The following IDO1 variants were observed in gnomAD, a reference collection of about 807,000 sequenced individuals.
IDO1 encodes indolamine 2,3 dioxygenase.
IDO1 carries 35 observed loss-of-function variants against 38.8 expected under a neutral mutation model. That is an observed-to-expected ratio of 0.90 (90% confidence interval 0.69 to 1.20). The LOEUF (loss-of-function observed/expected upper bound fraction) is 1.20, where lower values mean the gene tolerates loss of function less well. IDO1 is among the 50% of genes most tolerant of loss of function. The pLI, the probability that IDO1 is intolerant of heterozygous loss-of-function variation, is 0.00. For synonymous variants in IDO1, 171 were observed against 170.0 expected, an observed-to-expected ratio of 1.01 and a Z score of -0.05; for missense variants, 509 against 485.1, an observed-to-expected ratio of 1.05 and a Z score of -0.46.
chr8:39,923,808 G>T, intron 7 of IDO1: 1 of 328,092 alleles, frequency 3.0e-6, no homozygotes. Flanking sequence ...AATGACTTCA[G>T]ATTCCACAGG....
Position 39,927,961 on chromosome 8 carries a change from G to A in IDO1, c.988G>A (p.Glu330Lys), listed in dbSNP as rs764039576. The change falls in exon 10 of 10, where the codon GAA becomes AAA. Residue 330 changes from glutamate to lysine, a missense_variant. Transcript: ENST00000518237. ...VLSKGDAGLR[E>K]AYDACVKALV... ...TTCAAAAGGTGATGCTGGCCTGCGG[G>A]AAGCTTATGACGCCTGTGTGAAAGC... 3.1e-6 allele frequency: 5 copies of A among 1,604,676 alleles called. No individual in the cohort carries two copies. The highest frequency in any genetic ancestry group is 1.7e-6 in the Non-Finnish European group (2 of 1,175,532).
intron 3 of IDO1, 74 bp downstream of exon 3, chr8:39,918,281 T>A: frequency 6.5e-7 from 1 of 1,533,340 alleles, no homozygotes; most frequent in South Asian, 1.2e-5. Context: ...TTTCCAAAAA[T>A]TTTCTAAAAG....
chr8:39,915,547 T>C (rs1807162377), intron 1 of IDO1: 1 of 152,150 alleles, frequency 6.6e-6, no homozygotes. Flanking sequence ...TTAAAGAAAA[T>C]GAAAAGTATA....
chr8:39,918,072 C>T lies in IDO1; in HGVS notation c.184-16C>T. 2 of 1,613,712 alleles carry T rather than the reference C, an allele frequency of 1.2e-6. No individual in the cohort carries two copies. The highest frequency in any genetic ancestry group is 8.5e-7 in the Non-Finnish European group (1 of 1,179,722). Reference sequence around the variant, plus strand: ...TACTGAGATTGATTTGAGTCAATTGCTCCATTTGTTTTCAGTTAAACATGC... The same window carrying T: ...TACTGAGATTGATTTGAGTCAATTGTTCCATTTGTTTTCAGTTAAACATGC... On this transcript the variant is annotated splice_polypyrimidine_tract_variant and intron_variant, in intron 2 of 9. Transcript: ENST00000518237.
In IDO1 at chr8:39,925,216, C is replaced by T; in HGVS notation, c.708-7C>T. On this transcript the variant is annotated splice_polypyrimidine_tract_variant and splice_region_variant and intron_variant, in intron 8 of 9. Coordinates refer to ENST00000518237, the MANE Select transcript of IDO1 (RefSeq NM_002164.6). ...ATTTTTCTTTTTTTCTTTCTTTCCT[C>T]TGATAGCTGGAAAGGCAACCCCCAG... 6.4e-7 allele frequency: 1 copy of T among 1,573,332 alleles called. No individual in the cohort carries two copies. Among genetic ancestry groups the T allele is most frequent in the Non-Finnish European group, 8.6e-7 (1 of 1,165,262 alleles).
At chr8:39,925,495 C>A in intron 9 of IDO1, 124 bp downstream of exon 9, 1 of 964,980 alleles carries the variant, frequency 1.0e-6, no homozygotes. Flanking sequence ...CAGAATCAGG[C>A]AAGTAGGGAT....
At chr8:39,918,006 GCTT>G (rs1244648166) in intron 2 of IDO1, 36 bp downstream of exon 2, 1 of 1,610,506 alleles carries the variant, frequency 6.2e-7, no homozygotes, top group Non-Finnish European at 8.5e-7. Flanking sequence ...TTCTTGTATA[GCTT>G]CTTAACATTG....
intron 6 of IDO1, 55 bp from the exon 7 acceptor site, chr8:39,923,414 A>G (rs1807306714): frequency 2.6e-6 from 3 of 1,153,618 alleles, no homozygotes; most frequent in African/African-American, 1.6e-5. Context: ...AAAAAAAAAA[A>G]AAAAAAAGAA....
intron 5 of IDO1, 123 bp downstream of exon 5, chr8:39,920,237 A>G (rs1356063248): frequency 2.9e-6 from 2 of 699,704 alleles, no homozygotes; most frequent in Non-Finnish European, 4.8e-6. Context: ...AAAATAATTT[A>G]AGTGACTATT....
intron 1 of IDO1, chr8:39,914,390 A>T (rs1807141759): frequency 6.2e-6 from 1 of 161,432 alleles, no homozygotes; most frequent in Admixed American, 6.2e-5. Flanking sequence ...GTCAAACAGA[A>T]ATCCCTTTCT....
In IDO1 at chr8:39,918,836, G is replaced by C. The variant is rs772041863; in HGVS notation, c.325G>C (p.Val109Leu). The part of the protein sequence containing the change: ...VRKVLPRNIA[V>L]PYCQLSKKLE... ...TCAGGTCTTGCCAAGAAATATTGCT[G>C]TTCCTTACTGCCAACTCTCCAAGAA... is the stretch of plus-strand genomic sequence containing the variant. Residue 109 changes from valine to leucine, a missense_variant, in exon 4 of 10, where the codon GTT becomes CTT. Val to Leu is a conservative substitution (Grantham distance 32). Transcript: ENST00000518237. 1 of 1,606,608 alleles carries C rather than the reference G, an allele frequency of 6.2e-7. No homozygotes were observed. The highest frequency in any genetic ancestry group is 1.7e-5 in the Admixed American group (1 of 59,700).
rs1376891556 is a variant in IDO1, at chr8:39,914,035, A to G, written c.87+26A>G. The G allele has an allele frequency of 2.7e-6, 4 of 1,483,154 alleles. No homozygotes were observed. In the Admixed American group the frequency reaches 7.8e-5, roughly 29 times the overall value. 91.9% of individuals were successfully genotyped at this position (1,483,154 alleles called of 1,614,324 possible). ...GTAAGAGAAGGCAGTAAAATGTGGG[A>G]AAATGCATTCTTCTTCTCATTCCTT... On this transcript the variant is annotated intron_variant, in intron 1 of 9. Transcript: ENST00000518237.
At chr8:39,919,067 C>T (rs2129592208) in intron 4 of IDO1, 134 bp downstream of exon 4, 2 of 761,522 alleles carry the variant, frequency 2.6e-6, no homozygotes, top group Non-Finnish European at 4.8e-6. Flanking sequence ...AGTTCCTCGG[C>T]TGGGTACGGT....
chr8:39,917,913 T>G lies in IDO1; in HGVS notation c.126T>G (p.Ile42Met), dbSNP rs780797736. ...LPDFYNDWMF[I>M]AKHLPDLIES... Reference sequence around the variant, plus strand: ...ATTTTTATAATGACTGGATGTTCATTGCTAAACATCTGCCTGATCTCATAG... The same window carrying G: ...ATTTTTATAATGACTGGATGTTCATGGCTAAACATCTGCCTGATCTCATAG... The change falls in exon 2 of 10, where the codon ATT becomes ATG. Residue 42 changes from isoleucine (I) to methionine (M), a missense_variant. By Grantham distance (10) the Ile-to-Met change is conservative. Coordinates refer to ENST00000518237, the MANE Select transcript of IDO1 (RefSeq NM_002164.6). 3 of 1,612,394 alleles carry G rather than the reference T, an allele frequency of 1.9e-6. No individual in the cohort carries two copies. Among genetic ancestry groups the G allele is most frequent in the African/African-American group, 2.7e-5 (2 of 74,900 alleles).
In IDO1 at chr8:39,928,165, T is replaced by C. The variant is rs866560070; in HGVS notation, c.1192T>C (p.Ser398Pro). The C allele has an allele frequency of 6.2e-7, 1 of 1,610,808 alleles. No individual in the cohort carries two copies. The highest frequency in any genetic ancestry group is 1.7e-4 in the Middle Eastern group (1 of 6,058). ...LKTVRSTTEK[S>P]LLKEG is the part of the protein sequence containing the mutation. ...GACTGTAAGAAGTACAACTGAGAAA[T>C]CCCTTTTGAAGGAAGGTTAATGTAA... is the stretch of plus-strand genomic sequence containing the variant. The change falls in exon 10 of 10, where the codon TCC (serine) becomes CCC (proline). Residue 398 changes from serine to proline, a missense_variant. Transcript: ENST00000518237.
chr8:39,919,003 T>C (rs756465461), intron 4 of IDO1, 70 bp downstream of exon 4: 3 of 958,344 alleles, frequency 3.1e-6, no homozygotes, highest in East Asian at 2.4e-5. Context: ...GGGTTGTTCA[T>C]TGGCTTAATT....
At chr8:39,923,330 G>A (rs1807304014) in intron 6 of IDO1, 139 bp from the exon 7 acceptor site, 4 of 526,620 alleles carry the variant, frequency 7.6e-6, no homozygotes, top group Non-Finnish European at 1.4e-5. Flanking sequence ...CGTGAACCCG[G>A]GAGGCAGAGC....
chr8:39,923,201 C>T (rs1430770887), intron 6 of IDO1, among the ~76,000 whole-genome samples: 2 of 151,966 alleles, frequency 1.3e-5, no homozygotes, highest in Non-Finnish European at 1.5e-5. Flanking sequence ...GTCAGGAGTT[C>T]GAGACCAGCC....
In IDO1 at chr8:39,918,803, T is replaced by TATTTTAA; in HGVS notation, c.304-11_304-5dup. 1 of 1,382,556 alleles carries TATTTTAA rather than the reference T, an allele frequency of 7.2e-7. No individual in the cohort carries two copies. The highest frequency in any genetic ancestry group is 1.0e-6 in the Non-Finnish European group (1 of 971,168). 85.6% of individuals were successfully genotyped at this position (1,382,556 alleles called of 1,614,324 possible). A position where few individuals can be genotyped will look rare whatever the true frequency, so the allele number is the denominator to read the frequency against. On this transcript the variant is annotated splice_polypyrimidine_tract_variant and intron_variant, in intron 3 of 9. Coordinates refer to ENST00000518237, the MANE Select transcript of IDO1 (RefSeq NM_002164.6). ...ACAACAACAAAAAACCTAACTACTGTATTTTAATCAGGTCTTGCCAAGAAA... is the reference window on the plus strand; with the variant it reads ...ACAACAACAAAAAACCTAACTACTGTATTTTAAATTTTAATCAGGTCTTGCCAAGAAA...
Sources: allele counts gnomAD v4.1 joint callset (sites outside exome capture counted in the v4.1 genomes callset), GRCh38; gene constraint gnomAD v4.1.1; transcripts MANE v1.5; gene names NCBI Gene and HGNC (gene_info 2026-07-23, HGNC 2026-07-21).